Variants in PRH1 observed in about 807,000 individuals in gnomAD.
PRH1 encodes salivary acidic proline-rich phosphoprotein 1/2.
Under a neutral mutation model 7.9 loss-of-function variants are expected in PRH1, and 7 were observed. That is an observed-to-expected ratio of 0.89 (90% CI 0.50 to 1.67). The LOEUF is 1.67. Ranked by LOEUF, PRH1 falls within the 40% of genes most tolerant of loss-of-function variation. The pLI, the probability that PRH1 is intolerant of heterozygous loss-of-function variation, is 0.00. For missense variants in PRH1, 109 were observed against 223.6 expected (o/e 0.49, Z 3.27); for synonymous variants, 45 against 80.8 (o/e 0.56, Z 2.38).
At chr12:11,021,306 C>T (rs1331316593) in intron 1 of PRH1, among the ~76,000 whole-genome samples, 1 of 151,918 alleles carries the variant, frequency 6.6e-6, no homozygotes, top group Non-Finnish European at 1.5e-5. Context: ...GTACAAATTA[C>T]AATGGAAAAG....
At chr12:10,935,835 G>A (rs1206814318) in intron 2 of PRH1, among the ~76,000 whole-genome samples, 1 of 152,126 alleles carries the variant, frequency 6.6e-6, no homozygotes, top group Non-Finnish European at 1.5e-5. Context: ...AATTTGGAGG[G>A]ATCCAGATTG....
intron 2 of PRH1, chr12:10,929,400 G>T: frequency 6.3e-7 from 1 of 1,596,372 alleles, no homozygotes; most frequent in Admixed American, 1.7e-5. Context: ...ATGCTATAGA[G>T]GGGGAAAGTG....
intron 1 of PRH1, among the ~76,000 whole-genome samples, chr12:11,028,484 C>T (rs545474336): frequency 4.0e-4 from 61 of 151,636 alleles, no homozygotes; most frequent in Admixed American, 2.1e-3. Context: ...AATTTCCACA[C>T]GTCCTTGCCA....
At position 10,896,505 on chromosome 12, in the gene PRH1, T is replaced by TA. The variant is rs111466536; in HGVS notation, c.-58-12231dup. 3.9e-3 allele frequency among the ~76,000 whole-genome samples: 591 copies of TA among 152,300 alleles called. 5 individuals carry two copies. Among genetic ancestry groups the TA allele is most frequent in the African/African-American group, 0.013 (561 of 41,566 alleles). ...GGCCAGGCACGGTGGCTCACGCCTGTAATCCCAGCACTTTGGAAGGCCAAG... is the reference window on the plus strand; with the variant it reads ...GGCCAGGCACGGTGGCTCACGCCTGTAAATCCCAGCACTTTGGAAGGCCAAG... On this transcript the variant is annotated intron_variant, in intron 2 of 3. Coordinates refer to the PRH1 transcript ENST00000539853.
chr12:10,937,541 A>G (rs1169111816), intron 2 of PRH1: 1 of 152,188 alleles, frequency 6.6e-6, no homozygotes, highest in Non-Finnish European at 1.5e-5. Flanking sequence ...TTAAAACACT[A>G]GAAAACACTC....
intron 2 of PRH1, among the ~76,000 whole-genome samples, chr12:10,916,132 CAA>C (rs1949968748): frequency 6.6e-6 from 1 of 152,110 alleles, no homozygotes; most frequent in African/African-American, 2.4e-5. Context: ...TGGCAGCAGA[CAA>C]GAGAGAGTTT....
At chr12:11,116,331 A>G (rs1204397540), downstream of PRH1, among the ~76,000 whole-genome samples, 1 of 152,084 alleles carries the variant, frequency 6.6e-6, no homozygotes, top group Non-Finnish European at 1.5e-5. Flanking sequence ...CAAAGATTGA[A>G]CCATGAAGAA....
Position 11,133,997 on chromosome 12 carries a change from G to C in PRH1, n.40-12817C>G, listed in dbSNP as rs1226512350. The C allele has an allele frequency of 6.8e-6, 11 of 1,613,966 alleles. No individual in the cohort carries two copies. Among genetic ancestry groups the C allele is most frequent in the Non-Finnish European group, 9.3e-6 (11 of 1,179,962 alleles). On this transcript the variant is annotated intron_variant and non_coding_transcript_variant, in intron 1 of 1. Transcript: ENST00000541175. ...GGTTACTGCCCAGACATTATAAGCA[G>C]TAATTCTTACTTCTACACTATAAAA...
At chr12:11,121,862 T>G (rs900711013) in intron 1 of PRH1, among the ~76,000 whole-genome samples, 1 of 152,290 alleles carries the variant, frequency 6.6e-6, no homozygotes, top group African/African-American at 2.4e-5. Context: ...AAATTAGATG[T>G]TCAAACAATG....
intron 2 of PRH1, among the ~76,000 whole-genome samples, chr12:10,923,409 G>A (rs1244006970): frequency 2.6e-5 from 4 of 152,178 alleles, no homozygotes; most frequent in Admixed American, 6.5e-5. Context: ...AATTACAGGC[G>A]TGAGCCAACA....
chr12:11,069,130 T>C (rs1943952239), intron 1 of PRH1, among the ~76,000 whole-genome samples: 2 of 149,312 alleles, frequency 1.3e-5, no homozygotes, highest in African/African-American at 2.5e-5. Flanking sequence ...GTTTCCTAGG[T>C]TGGTCTCCAA....
At chr12:10,904,591 G>A (rs928480193) in intron 2 of PRH1, among the ~76,000 whole-genome samples, 1 of 151,980 alleles carries the variant, frequency 6.6e-6, no homozygotes, top group African/African-American at 2.4e-5. Context: ...GAAAACTTAG[G>A]AAACACCATT....
chr12:11,072,526 T>C (rs1944120074), intron 1 of PRH1, among the ~76,000 whole-genome samples: 1 of 152,220 alleles, frequency 6.6e-6, no homozygotes. Context: ...GATTGAAAAA[T>C]AATAATCACA....
chr12:11,167,423 C>T (rs1947613433), intron 1 of PRH1, among the ~76,000 whole-genome samples: 1 of 151,114 alleles, frequency 6.6e-6, no homozygotes, highest in Admixed American at 6.6e-5. Context: ...CAATTCATGT[C>T]TCCTATTTGG....
At chr12:10,939,854 C>A (rs1042277244) in intron 2 of PRH1, among the ~76,000 whole-genome samples, 1 of 151,824 alleles carries the variant, frequency 6.6e-6, no homozygotes, top group African/African-American at 2.4e-5. Flanking sequence ...AATATTCTCA[C>A]CATAAAAAAA....
intron 3 of PRH1, among the ~76,000 whole-genome samples, chr12:10,881,794 A>T (rs1463488996): frequency 2.0e-5 from 3 of 152,198 alleles, no homozygotes; most frequent in Non-Finnish European, 4.4e-5. Flanking sequence ...AAAATGAGAT[A>T]CCATTTTACA....
At chr12:11,165,319 CCTCT>C (rs36011182) in intron 1 of PRH1, among the ~76,000 whole-genome samples, 3 of 151,890 alleles carry the variant, frequency 2.0e-5, no homozygotes, top group South Asian at 4.2e-4. Context: ...TCCTTTTCTC[CCTCT>C]CTTTCATTTT....
intron 1 of PRH1, among the ~76,000 whole-genome samples, chr12:11,125,294 C>CAGTAAA: frequency 6.6e-6 from 1 of 151,356 alleles, no homozygotes; most frequent in East Asian, 1.9e-4. Flanking sequence ...AATTGACCTC[C>CAGTAAA]AGCAAAGAAT....
chr12:10,899,406 G>A (rs1342054483), intron 2 of PRH1, among the ~76,000 whole-genome samples: 1 of 152,148 alleles, frequency 6.6e-6, no homozygotes, highest in Non-Finnish European at 1.5e-5. Flanking sequence ...AGTGGTGTTG[G>A]GAGGTTGAGC....
Sources: gnomAD v4.1 joint callset for allele counts (sites outside exome capture counted in the v4.1 genomes callset) on GRCh38, gnomAD v4.1.1 for gene constraint, MANE v1.5 for transcripts, NCBI Gene and HGNC (gene_info 2026-07-23, HGNC 2026-07-21) for gene names.